The following GOLM1 variants were observed in gnomAD, a reference collection of about 807,000 sequenced individuals.
GOLM1 encodes the protein epididymis luminal protein 46.
A neutral mutation model predicts 50.5 loss-of-function variants in GOLM1; 31 were observed. The observed-to-expected ratio is 0.61, with a 90% confidence interval of 0.46 to 0.83. The LOEUF (loss-of-function observed/expected upper bound fraction) is 0.83. GOLM1 is among the 40% of genes least tolerant of loss of function. The pLI, the probability that GOLM1 is intolerant of heterozygous loss-of-function variation, is 0.00. For synonymous variants in GOLM1, 178 were observed against 192.8 expected, an observed-to-expected ratio of 0.92 and a Z score of 0.64; for missense variants, 491 against 501.3, an observed-to-expected ratio of 0.98 and a Z score of 0.20.
At chr9:86,041,899 C>T (rs1436250398) in intron 5 of GOLM1, among the ~76,000 whole-genome samples, 3 of 152,090 alleles carry the variant, frequency 2.0e-5, no homozygotes, top group Non-Finnish European at 4.4e-5. Flanking sequence ...CGGTGGATCA[C>T]GAGGTCAGGA....
At chr9:86,081,961 A>G (rs373631503) in intron 1 of GOLM1, among the ~76,000 whole-genome samples, 6 of 151,316 alleles carry the variant, frequency 4.0e-5, no homozygotes, top group African/African-American at 1.5e-4. Flanking sequence ...ACATTTTCTA[A>G]CATCTGGGTC....
intron 3 of GOLM1, among the ~76,000 whole-genome samples, chr9:86,054,481 C>A (rs1290377165): frequency 6.6e-6 from 1 of 152,148 alleles, no homozygotes; most frequent in Non-Finnish European, 1.5e-5. Context: ...GCCTTGGCCT[C>A]CCAAAGTGCT....
At chr9:86,041,596 T>C (rs1458958952) in intron 5 of GOLM1, among the ~76,000 whole-genome samples, 1 of 152,212 alleles carries the variant, frequency 6.6e-6, no homozygotes, top group Non-Finnish European at 1.5e-5. Context: ...ACTCTACCAC[T>C]GGGCTGTTCT....
At chr9:86,079,603 A>G (rs769178686) in intron 1 of GOLM1, 2 of 320,978 alleles carry the variant, frequency 6.2e-6, no homozygotes, top group Non-Finnish European at 1.1e-5. Context: ...CCTGCCACAG[A>G]TTAGCTCGAG....
intron 6 of GOLM1, 92 bp from the exon 7 acceptor site, chr9:86,036,599 C>G: frequency 1.5e-6 from 2 of 1,302,556 alleles, no homozygotes; most frequent in Non-Finnish European, 2.1e-6. Context: ...TCCCACCAAT[C>G]CCACCACCAT....
intron 1 of GOLM1, among the ~76,000 whole-genome samples, chr9:86,081,911 A>G (rs1834794665): frequency 6.6e-6 from 1 of 151,334 alleles, no homozygotes. Context: ...AAAAAAGGAT[A>G]AATTACATCC....
At chr9:86,072,928 A>G (rs1834492585) in intron 3 of GOLM1, among the ~76,000 whole-genome samples, 1 of 152,244 alleles carries the variant, frequency 6.6e-6, no homozygotes, top group Admixed American at 6.5e-5. Flanking sequence ...ATCTAAACAC[A>G]GAAAAGATAC....
chr9:86,033,864 G>T (rs1587694259), intron 8 of GOLM1, among the ~76,000 whole-genome samples: 1 of 152,208 alleles, frequency 6.6e-6, no homozygotes, highest in South Asian at 2.1e-4. Context: ...CCCTGGAGTG[G>T]GCAGCAGCCA....
chr9:86,091,168 C>T lies in GOLM1; in HGVS notation c.-22+8243G>A, dbSNP rs114704938. Among the ~76,000 whole-genome samples, 1,148 of 152,234 alleles carry T rather than the reference C, an allele frequency of 7.5e-3. 6 individuals are homozygous for T. The highest frequency in any genetic ancestry group is 0.026 in the African/African-American group (1,074 of 41,530). Reference sequence around the variant, plus strand: ...AATCACCTGTCTTCTGTGTTGATCTCGCTGGGAGCTGCGGACCAGAGCTGT... The same window carrying T: ...AATCACCTGTCTTCTGTGTTGATCTTGCTGGGAGCTGCGGACCAGAGCTGT... On this transcript the variant is annotated intron_variant, in intron 1 of 9. Transcript: ENST00000388712.
At chr9:86,056,999 A>G (rs936094829) in intron 3 of GOLM1, among the ~76,000 whole-genome samples, 1 of 152,232 alleles carries the variant, frequency 6.6e-6, no homozygotes, top group Non-Finnish European at 1.5e-5. Flanking sequence ...AATGAATTAT[A>G]TATTCTACTC....
intron 6 of GOLM1, among the ~76,000 whole-genome samples, chr9:86,037,438 C>CA (rs112398885): frequency 0.054 from 3,138 of 58,404 alleles, 79 homozygotes; most frequent in Admixed American, 0.084. Context: ...GACTGTCTCT[C>CA]AAAAAAAAAA....
chr9:86,054,386 G>A (rs1209667707), intron 3 of GOLM1, among the ~76,000 whole-genome samples: 1 of 151,790 alleles, frequency 6.6e-6, no homozygotes, highest in East Asian at 1.9e-4. Flanking sequence ...TCCTGCCTCA[G>A]CCTCCCAAGT....
At chr9:86,070,508 T>C (rs939994654) in intron 3 of GOLM1, among the ~76,000 whole-genome samples, 8 of 151,402 alleles carry the variant, frequency 5.3e-5, no homozygotes, top group African/African-American at 1.5e-4. Flanking sequence ...GAGGCGGAGG[T>C]TGCAGTGAGC....
intron 3 of GOLM1, among the ~76,000 whole-genome samples, chr9:86,070,199 A>T (rs1269861149): frequency 6.6e-6 from 1 of 152,136 alleles, no homozygotes; most frequent in Admixed American, 6.5e-5. Context: ...CAATCTTTTT[A>T]GAGAAAAAAA....
intron 1 of GOLM1, among the ~76,000 whole-genome samples, chr9:86,085,340 C>G (rs1421191394): frequency 6.6e-6 from 1 of 151,682 alleles, no homozygotes; most frequent in Non-Finnish European, 1.5e-5. Flanking sequence ...TATTGATTTG[C>G]TAAAGCTCTT....
chr9:86,092,141 T>C (rs1835204846), intron 1 of GOLM1, among the ~76,000 whole-genome samples: 1 of 152,344 alleles, frequency 6.6e-6, no homozygotes, highest in Admixed American at 6.5e-5. Flanking sequence ...TGTGCATCAC[T>C]GTCCTGCTCA....
chr9:86,072,995 G>A (rs909128092), intron 3 of GOLM1, among the ~76,000 whole-genome samples: 2 of 152,156 alleles, frequency 1.3e-5, no homozygotes, highest in Non-Finnish European at 2.9e-5. Flanking sequence ...AATTTGATGG[G>A]TCCATAATTG....
intron 3 of GOLM1, among the ~76,000 whole-genome samples, chr9:86,054,026 CCTT>C (rs1223937438): frequency 6.6e-6 from 1 of 152,196 alleles, no homozygotes; most frequent in Admixed American, 6.5e-5. Context: ...CTTCTGGCCT[CCTT>C]CTCCTGTCCA....
intron 1 of GOLM1, among the ~76,000 whole-genome samples, chr9:86,094,029 C>G (rs865820400): frequency 6.6e-6 from 1 of 152,198 alleles, no homozygotes; most frequent in Non-Finnish European, 1.5e-5. Flanking sequence ...CTGAGCACAC[C>G]CCGGCGCAGC....
Sources: gnomAD v4.1 joint callset for allele counts (sites outside exome capture counted in the v4.1 genomes callset) on GRCh38, gnomAD v4.1.1 for gene constraint, MANE v1.5 for transcripts, NCBI Gene and HGNC (gene_info 2026-07-23, HGNC 2026-07-21) for gene names.